Variants in IL10RB observed in about 807,000 individuals in gnomAD.
IL10RB encodes interleukin-10 receptor subunit beta.
In IL10RB, 30 loss-of-function variants were observed where a neutral mutation model predicts 38.7. The ratio of observed to expected loss-of-function variants is 0.78; its 90% CI spans 0.58 to 1.05. The LOEUF (loss-of-function observed/expected upper bound fraction) is 1.05. Ranked by LOEUF, IL10RB falls within the 50% of genes least tolerant of loss-of-function variation. The pLI, the probability that IL10RB is intolerant of heterozygous loss-of-function variation, is 0.00. For synonymous variants in IL10RB, 142 were observed against 145.9 expected (o/e 0.97, Z 0.19); for missense variants, 328 against 397.1 (o/e 0.83, Z 1.48).
intron 6 of IL10RB, among the ~76,000 whole-genome samples, chr21:33,291,237 C>T (rs1420970012): frequency 6.6e-6 from 1 of 151,938 alleles, no homozygotes; most frequent in East Asian, 1.9e-4. Flanking sequence ...AATACAGTCA[C>T]ATTCTGAGGT....
chr21:33,289,742 C>G (rs1286588362), intron 6 of IL10RB, among the ~76,000 whole-genome samples: 2 of 152,136 alleles, frequency 1.3e-5, no homozygotes, highest in Admixed American at 6.6e-5. Flanking sequence ...TTTCATGTCC[C>G]CTGGTAGAAA....
Position 33,266,430 on chromosome 21 carries a change from G to T in IL10RB, c.-36G>T, listed in dbSNP as rs765364000. 32 of 1,539,300 alleles carry T rather than the reference G, an allele frequency of 2.1e-5. No individual in the cohort carries two copies. The highest frequency in any genetic ancestry group is 1.1e-4 in the South Asian group (9 of 83,884). On this transcript the variant is annotated 5_prime_UTR_variant, in exon 1 of 7. Coordinates refer to ENST00000290200, the MANE Select transcript of IL10RB (RefSeq NM_000628.5). ...TCCCGGGCGCGGGCGGGGGTCGTGTGCTTGGAGGAAGCCGCGGAACCCCCA... is the reference window on the plus strand; with the variant it reads ...TCCCGGGCGCGGGCGGGGGTCGTGTTCTTGGAGGAAGCCGCGGAACCCCCA...
At chr21:33,288,394 CACACACACACAG>C (rs1457862315) in intron 6 of IL10RB, 133 bp downstream of exon 6, 12 of 707,244 alleles carry the variant, frequency 1.7e-5, no homozygotes, top group Admixed American at 1.0e-4. Context: ...CACACACACA[CACACACACACAG>C]ACACGCCTCT....
chr21:33,298,625 A>T (rs982751110), downstream of IL10RB, among the ~76,000 whole-genome samples: 1 of 152,108 alleles, frequency 6.6e-6, no homozygotes, highest in Admixed American at 6.5e-5. Flanking sequence ...AAATAAATAA[A>T]TAAATAATAA....
intron 2 of IL10RB, among the ~76,000 whole-genome samples, chr21:33,270,069 T>C (rs940909608): frequency 7.2e-5 from 11 of 152,240 alleles, no homozygotes; most frequent in Non-Finnish European, 1.2e-4. Flanking sequence ...GGATAATCTC[T>C]TACATCACAT....
chr21:33,297,642 C>A (rs1269708377), downstream of IL10RB, among the ~76,000 whole-genome samples: 4 of 151,902 alleles, frequency 2.6e-5, no homozygotes, highest in Non-Finnish European at 5.9e-5. Context: ...CATGGTGAGA[C>A]CCCTTCTCTA....
intron 4 of IL10RB, among the ~76,000 whole-genome samples, chr21:33,282,250 C>T (rs563766983): frequency 2.6e-5 from 4 of 152,172 alleles, no homozygotes; most frequent in East Asian, 3.9e-4. Flanking sequence ...TAACCAATTG[C>T]GACTGGGTGT....
At chr21:33,307,105 C>G (rs2083000760) in intron 1 of IL10RB, among the ~76,000 whole-genome samples, 1 of 152,190 alleles carries the variant, frequency 6.6e-6, no homozygotes, top group African/African-American at 2.4e-5. Flanking sequence ...TGCACCCCTT[C>G]TCTCCTCATT....
At chr21:33,284,530 C>T (rs1420000885) in intron 5 of IL10RB, among the ~76,000 whole-genome samples, 2 of 152,114 alleles carry the variant, frequency 1.3e-5, no homozygotes, top group African/African-American at 4.8e-5. Flanking sequence ...CAAACTAGAA[C>T]ATGAAGGTTC....
intron 6 of IL10RB, 115 bp downstream of exon 6, chr21:33,288,376 C>CGT: frequency 1.4e-6 from 1 of 717,794 alleles, no homozygotes; most frequent in East Asian, 2.7e-5. Flanking sequence ...CACACACGCG[C>CGT]GCGCGCACAC....
intron 6 of IL10RB, among the ~76,000 whole-genome samples, chr21:33,290,854 C>T (rs929529080): frequency 6.6e-6 from 1 of 152,172 alleles, no homozygotes; most frequent in Non-Finnish European, 1.5e-5. Context: ...ACTAGTTTGT[C>T]GGGGCTGCTG....
intron 6 of IL10RB, 113 bp downstream of exon 6, chr21:33,288,374 C>G (rs577337753): frequency 1.2e-5 from 8 of 652,442 alleles, no homozygotes; most frequent in Middle Eastern, 2.5e-4. Context: ...AACACACACG[C>G]GCGCGCGCAC....
chr21:33,267,518 GTT>G (rs757034791), intron 1 of IL10RB, among the ~76,000 whole-genome samples: 1,985 of 45,068 alleles, frequency 0.044, 30 homozygotes, highest in South Asian at 0.23. Context: ...TTGTTTTTTT[GTT>G]TTTTTTTGAG....
Position 33,283,121 on chromosome 21 carries a change from G to C in IL10RB, c.526G>C (p.Glu176Gln), listed in dbSNP as rs370505707. ...KFQITPQYDF[E>Q]VLRNLEPWTT... Reference sequence around the variant, plus strand: ...TCAAATTACTCCCCAGTATGACTTTGAGGTCCTCAGAAACCTGGAGCCATG... The same window carrying C: ...TCAAATTACTCCCCAGTATGACTTTCAGGTCCTCAGAAACCTGGAGCCATG... The change falls in exon 5 of 7, where the codon GAG (glutamate) becomes CAG (glutamine). Residue 176 changes from glutamate (E) to glutamine (Q), a missense_variant. By Grantham distance (29) the Glu-to-Gln change is conservative. Coordinates refer to ENST00000290200, the MANE Select transcript of IL10RB (RefSeq NM_000628.5). 6.2e-7 allele frequency: 1 copy of C among 1,613,578 alleles called. No individual in the cohort carries two copies. Among genetic ancestry groups the C allele is most frequent in the Admixed American group, 1.7e-5 (1 of 60,010 alleles).
chr21:33,297,109 C>T lies in IL10RB; in HGVS notation c.*752C>T, dbSNP rs904806222. 2 of 158,344 alleles carry T rather than the reference C, an allele frequency of 1.3e-5. No homozygotes were observed. Among genetic ancestry groups the T allele is most frequent in the Admixed American group, 1.2e-4 (2 of 16,460 alleles). 9.8% of individuals were successfully genotyped at this position (158,344 alleles called of 1,614,324 possible). A position where few individuals can be genotyped will look rare whatever the true frequency, so the allele number is the denominator to read the frequency against. ...CTCAAGGGTGGTCAGCTCAATGCTA[C>T]ACAGAGCACGGACTTTTGGATTCTT... On this transcript the variant is annotated 3_prime_UTR_variant, in exon 7 of 7. Transcript: ENST00000290200.
intron 6 of IL10RB, chr21:33,294,214 G>A (rs981401070): frequency 5.3e-5 from 18 of 338,186 alleles, no homozygotes; most frequent in Admixed American, 1.6e-4. Flanking sequence ...CTCACATCAC[G>A]ACTTTCTCCA....
intron 1 of IL10RB, chr21:33,308,488 T>C (rs1440417420): frequency 2.6e-5 from 4 of 152,238 alleles, no homozygotes; most frequent in Non-Finnish European, 5.9e-5. Flanking sequence ...ATTTTATTGC[T>C]AGGTATAAGA....
chr21:33,284,296 C>CAA (rs59098773), intron 5 of IL10RB, among the ~76,000 whole-genome samples: 10 of 69,174 alleles, frequency 1.4e-4, no homozygotes, highest in Non-Finnish European at 2.7e-4. Context: ...GACCCTGCCT[C>CAA]AAAAAAAAAA....
At chr21:33,300,551 C>T (rs1225289804), downstream of IL10RB, among the ~76,000 whole-genome samples, 1 of 151,780 alleles carries the variant, frequency 6.6e-6, no homozygotes, top group African/African-American at 2.4e-5. Flanking sequence ...CATATGCAAG[C>T]GAAAAACAAA....
Sources: allele counts gnomAD v4.1 joint callset (sites outside exome capture counted in the v4.1 genomes callset), GRCh38; gene constraint gnomAD v4.1.1; transcripts MANE v1.5; gene names NCBI Gene and HGNC (gene_info 2026-07-23, HGNC 2026-07-21).